MARCHF1: variants seen among roughly 807,000 people sequenced by gnomAD.
The protein encoded by MARCHF1 is membrane associated ring-CH-type finger 1.
Under a neutral mutation model 54.2 loss-of-function variants are expected in MARCHF1, and 40 were observed. The ratio of observed to expected loss-of-function variants is 0.74; its 90% CI spans 0.57 to 0.96. The LOEUF (loss-of-function observed/expected upper bound fraction) is 0.96, where lower values mean the gene tolerates loss of function less well. Ranked by LOEUF, MARCHF1 falls within the 40% of genes least tolerant of loss-of-function variation. MARCHF1 has a pLI of 0.00. For missense variants in MARCHF1, 586 were observed against 656.5 expected (o/e 0.89, Z 1.17); for synonymous variants, 236 against 236.3 (o/e 1.00, Z 0.01).
intron 4 of MARCHF1, among the ~76,000 whole-genome samples, chr4:163,791,219 C>T (rs930060642): frequency 6.6e-6 from 1 of 152,060 alleles, no homozygotes; most frequent in Non-Finnish European, 1.5e-5. Context: ...TAGAAACTTA[C>T]GATAGGTATG....
At chr4:164,117,029 G>A (rs1044604184) in intron 1 of MARCHF1, among the ~76,000 whole-genome samples, 8 of 151,850 alleles carry the variant, frequency 5.3e-5, no homozygotes, top group African/African-American at 1.2e-4. Flanking sequence ...AGGCCAAGGC[G>A]GGTAGATCAT....
intron 5 of MARCHF1, among the ~76,000 whole-genome samples, chr4:163,695,227 G>T (rs984544539): frequency 5.3e-5 from 8 of 152,124 alleles, no homozygotes; most frequent in African/African-American, 1.9e-4. Context: ...GACCTTGCTG[G>T]AAAGTACTTT....
At chr4:163,914,744 A>T (rs1409330613) in intron 3 of MARCHF1, among the ~76,000 whole-genome samples, 2 of 152,186 alleles carry the variant, frequency 1.3e-5, no homozygotes, top group Non-Finnish European at 2.9e-5. Flanking sequence ...ATAAGTGTCT[A>T]AAGCTCACGT....
chr4:163,925,023 T>G (rs35803817), intron 3 of MARCHF1, among the ~76,000 whole-genome samples: 117,074 of 151,554 alleles, frequency 0.77, 45,331 homozygotes, highest in East Asian at 0.93. Flanking sequence ...AGATTTTTAA[T>G]GTCCCAAAGT....
intron 1 of MARCHF1, among the ~76,000 whole-genome samples, chr4:164,180,836 T>A (rs1281844964): frequency 6.6e-6 from 1 of 152,194 alleles, no homozygotes; most frequent in Non-Finnish European, 1.5e-5. Context: ...AACTGCTACA[T>A]CCGCTTGCCA....
intron 4 of MARCHF1, among the ~76,000 whole-genome samples, chr4:163,814,290 C>G (rs926550232): frequency 3.3e-5 from 5 of 152,164 alleles, no homozygotes; most frequent in Admixed American, 6.5e-5. Context: ...TCAGGTTGGT[C>G]CCCTGGACCC....
intron 3 of MARCHF1, among the ~76,000 whole-genome samples, chr4:163,888,025 A>G (rs1027508877): frequency 2.0e-5 from 3 of 152,186 alleles, no homozygotes; most frequent in African/African-American, 7.2e-5. Context: ...CTGATGTTAC[A>G]AAAGGACTAT....
At chr4:164,138,077 T>G (rs181507804) in intron 1 of MARCHF1, among the ~76,000 whole-genome samples, 1 of 152,146 alleles carries the variant, frequency 6.6e-6, no homozygotes, top group Non-Finnish European at 1.5e-5. Flanking sequence ...ATTATCACAG[T>G]GGACCCCAGC....
At chr4:163,611,533 A>AT (rs1384026032) in intron 7 of MARCHF1, among the ~76,000 whole-genome samples, 1 of 152,076 alleles carries the variant, frequency 6.6e-6, no homozygotes, top group African/African-American at 2.4e-5. Flanking sequence ...GTACAAATAT[A>AT]TTTTTTTGTT....
Position 164,276,906 on chromosome 4 carries a change from C to A in MARCHF1, c.-323+106964G>T, listed in dbSNP as rs189335653. 1.3e-3 allele frequency among the ~76,000 whole-genome samples: 183 copies of A among 141,064 alleles called. 6 individuals carry two copies. The East Asian group carries it at 0.035, about 27-fold the overall frequency. The allele number at this position is 141,064 out of a possible 152,430, so 92.5% of individuals were successfully genotyped here. On this transcript the variant is annotated intron_variant, in intron 1 of 9. Transcript: ENST00000514618. The stretch of plus-strand genomic sequence containing the variant: ...ATATATATATGTAATGGTAATTACA[C>A]ATAATGATTAGGGAAATGTCTCATA...
intron 4 of MARCHF1, among the ~76,000 whole-genome samples, chr4:163,763,717 A>AT (rs1746896528): frequency 6.6e-6 from 1 of 152,110 alleles, no homozygotes; most frequent in Admixed American, 6.6e-5. Flanking sequence ...CCGTATAGCA[A>AT]TGAAGGCTGT....
intron 3 of MARCHF1, among the ~76,000 whole-genome samples, chr4:163,983,573 T>A (rs72983603): frequency 0.044 from 6,752 of 152,178 alleles, 399 homozygotes; most frequent in East Asian, 0.14. Context: ...TTACATTTAC[T>A]CTTTGGGGAT....
chr4:164,166,943 T>C (rs1187228604), intron 1 of MARCHF1, among the ~76,000 whole-genome samples: 1 of 151,388 alleles, frequency 6.6e-6, no homozygotes. Context: ...GAAAGATTTA[T>C]AAATCTTTAT....
At chr4:163,906,872 T>G (rs1176786879) in intron 3 of MARCHF1, among the ~76,000 whole-genome samples, 3 of 151,922 alleles carry the variant, frequency 2.0e-5, no homozygotes, top group African/African-American at 7.2e-5. Flanking sequence ...TATTCAGTAC[T>G]AATGTTATTG....
At chr4:164,131,033 T>C (rs1756290239) in intron 1 of MARCHF1, among the ~76,000 whole-genome samples, 1 of 152,186 alleles carries the variant, frequency 6.6e-6, no homozygotes, top group Non-Finnish European at 1.5e-5. Context: ...ACATGATTCA[T>C]AAACCATGTG....
At position 163,978,527 on chromosome 4, in the gene MARCHF1, G is replaced by A. The variant is rs577456020; in HGVS notation, c.-39+9974C>T. ...TCATACTTGTCATTATTTTATATAT[G>A]AGGAAACTGAGGCACAGAGATGGAA... On this transcript the variant is annotated intron_variant, in intron 3 of 9. Coordinates refer to ENST00000514618, the MANE Select transcript of MARCHF1 (RefSeq NM_001394959.1). 1.5e-4 allele frequency among the ~76,000 whole-genome samples: 23 copies of A among 152,118 alleles called. 1 individual carries two copies. Among genetic ancestry groups the A allele is most frequent in the African/African-American group, 5.5e-4 (23 of 41,484 alleles).
chr4:164,195,060 T>C (rs1731218066), intron 1 of MARCHF1, among the ~76,000 whole-genome samples: 1 of 151,682 alleles, frequency 6.6e-6, no homozygotes, highest in East Asian at 1.9e-4. Context: ...TGAGAACATG[T>C]GATGTGTTTA....
At chr4:163,648,506 G>C (rs898985156) in intron 5 of MARCHF1, among the ~76,000 whole-genome samples, 3 of 151,286 alleles carry the variant, frequency 2.0e-5, no homozygotes, top group Non-Finnish European at 4.4e-5. Flanking sequence ...AAGCATTTTT[G>C]CCTCTCTTCT....
At chr4:163,969,786 A>C (rs562761647) in intron 3 of MARCHF1, among the ~76,000 whole-genome samples, 26 of 152,238 alleles carry the variant, frequency 1.7e-4, no homozygotes, top group Non-Finnish European at 2.9e-4. Flanking sequence ...AGAAATTTGA[A>C]ATGGTATAAG....
Sources: gnomAD v4.1 joint callset for allele counts (sites outside exome capture counted in the v4.1 genomes callset) on GRCh38, gnomAD v4.1.1 for gene constraint, MANE v1.5 for transcripts, NCBI Gene and HGNC (gene_info 2026-07-23, HGNC 2026-07-21) for gene names.